METTL13: variants seen among roughly 807,000 people sequenced by gnomAD.
The protein encoded by METTL13 is eEF1A lysine and N-terminal methyltransferase.
Under a neutral mutation model 67.4 loss-of-function variants are expected in METTL13, and 52 were observed. That is an observed-to-expected ratio of 0.77 (90% CI 0.62 to 0.97). The LOEUF (loss-of-function observed/expected upper bound fraction) is 0.97. Ranked by LOEUF, METTL13 falls within the 50% of genes least tolerant of loss-of-function variation. The probability of loss-of-function intolerance (pLI) is 0.00; values close to 1 mark genes in which losing one functional copy is unlikely to be tolerated. For missense variants in METTL13, 825 were observed against 889.6 expected, an observed-to-expected ratio of 0.93 and a Z score of 0.92; for synonymous variants, 354 against 353.6, an observed-to-expected ratio of 1.00 and a Z score of -0.01.
In METTL13 at chr1:171,797,104, C is replaced by T. The variant is rs2029864160; in HGVS notation, c.*348C>T. 3.9e-6 allele frequency: 1 copy of T among 253,708 alleles called. No individual in the cohort carries two copies. Among genetic ancestry groups the T allele is most frequent in the Admixed American group, 5.0e-5 (1 of 19,822 alleles). The allele number at this position is 253,708 out of a possible 1,614,324, so 15.7% of individuals were successfully genotyped here. A position where few individuals can be genotyped will look rare whatever the true frequency, so the allele number is the denominator to read the frequency against. ...ACATCCAAATTTTATTGCGTCTCTA[C>T]TTATACTGGTTTGCTTTTGATTTAT... On this transcript the variant is annotated 3_prime_UTR_variant, in exon 8 of 8. Transcript: ENST00000361735.
chr1:171,794,494 C>A lies in METTL13; in HGVS notation c.1792C>A (p.Leu598Ile). The change falls in exon 7 of 8, where the codon CTA (leucine) becomes ATA (isoleucine). Residue 598 changes from leucine (L) to isoleucine (I), a missense_variant. Physicochemically the swap from Leu to Ile is conservative, Grantham distance 5. Coordinates refer to ENST00000361735, the MANE Select transcript of METTL13 (RefSeq NM_015935.5). ...PPPAFVEQSF[L>I]QKVKSILTPE... The stretch of plus-strand genomic sequence containing the variant: ...CCCAGCATTTGTGGAGCAATCTTTT[C>A]TACAGAAGGTTAAAAGCATCTTGAC... The A allele has an allele frequency of 6.2e-7, 1 of 1,614,178 alleles. No individual in the cohort carries two copies. Among genetic ancestry groups the A allele is most frequent in the African/African-American group, 1.3e-5 (1 of 75,046 alleles).
intron 7 of METTL13, 39 bp downstream of exon 7, chr1:171,794,566 G>C: frequency 1.2e-6 from 2 of 1,608,532 alleles, no homozygotes; most frequent in Non-Finnish European, 1.7e-6. Context: ...GGAGAGAAGG[G>C]ACCATTAACA....
chr1:171,791,575 C>T (rs561814754), intron 5 of METTL13, among the ~76,000 whole-genome samples: 1 of 152,136 alleles, frequency 6.6e-6, no homozygotes, highest in East Asian at 1.9e-4. Context: ...TCCTTAGGCT[C>T]CCACGTCAGC....
At position 171,792,172 on chromosome 1, in the gene METTL13, C is replaced by T. The variant is rs1313162096; in HGVS notation, c.1630C>T (p.Arg544Ter). The T allele has an allele frequency of 4.3e-6, 7 of 1,614,172 alleles. No individual in the cohort carries two copies. The highest frequency in any genetic ancestry group is 1.7e-4 in the Middle Eastern group (1 of 6,040). The stretch of plus-strand genomic sequence containing the variant: ...GTGGTTTGGCTTCTCCCAGAGTGAC[C>T]GAATGAAGGTCCACATTGCAGATGG... ...TQWFGFSQSD[R>*]MKVHIADGLD... Residue 544 changes from arginine (R) to a stop codon, truncating the protein, a stop_gained, in exon 6 of 8, where the codon CGA becomes TGA. Transcript: ENST00000361735. LOFTEE classifies it high-confidence loss of function.
chr1:171,787,957 G>T, intron 4 of METTL13, 27 bp downstream of exon 4: 1 of 1,608,600 alleles, frequency 6.2e-7, no homozygotes, highest in South Asian at 1.1e-5. Flanking sequence ...ACAGTGGTGG[G>T]ACCCAAGTGG....
At chr1:171,788,054 T>A in intron 4 of METTL13, 124 bp downstream of exon 4, 1 of 885,856 alleles carries the variant, frequency 1.1e-6, no homozygotes, top group Non-Finnish European at 1.8e-6. Flanking sequence ...TCTGGACTCT[T>A]AGGGTGTGAA....
chr1:171,790,863 T>C (rs1255934332), intron 5 of METTL13: 1 of 344,572 alleles, frequency 2.9e-6, no homozygotes, highest in Non-Finnish European at 5.1e-6. Context: ...CATTTCTTTT[T>C]AAAATTAAGG....
chr1:171,790,058 A>G (rs904164290), intron 4 of METTL13, among the ~76,000 whole-genome samples: 12 of 152,218 alleles, frequency 7.9e-5, no homozygotes, highest in African/African-American at 2.4e-4. Context: ...GAAGCTTACA[A>G]TTATCACAGA....
intron 1 of METTL13, among the ~76,000 whole-genome samples, 172 bp downstream of exon 1, chr1:171,782,292 C>T (rs964448187): frequency 6.6e-6 from 1 of 152,064 alleles, no homozygotes; most frequent in African/African-American, 2.4e-5. Context: ...TCTTTCAGGC[C>T]GGGCGCAGTG....
Position 171,785,888 on chromosome 1 carries a change from G to A in METTL13, c.923G>A (p.Gly308Asp). Reference sequence around the variant, plus strand: ...AAGTTCTTTTTTCTAGTCCCTCAGGGCCGGGAGACCGAGTGGCTCTTTGGC... The same window carrying A: ...AAGTTCTTTTTTCTAGTCCCTCAGGACCGGGAGACCGAGTGGCTCTTTGGC... Reference protein sequence around the residue: ...NHFAIFIIPQGRETEWLFGMD... With the variant: ...NHFAIFIIPQDRETEWLFGMD... The change falls in exon 3 of 8, where the codon GGC becomes GAC. Residue 308 changes from glycine to aspartate, a missense_variant. Gly to Asp is a moderately conservative substitution (Grantham distance 94, BLOSUM62 -1). Coordinates refer to ENST00000361735, the MANE Select transcript of METTL13 (RefSeq NM_015935.5). The A allele has an allele frequency of 6.2e-7, 1 of 1,612,768 alleles. No individual in the cohort carries two copies. Among genetic ancestry groups the A allele is most frequent in the East Asian group, 2.2e-5 (1 of 44,876 alleles).
intron 2 of METTL13, 88 bp from the exon 3 acceptor site, chr1:171,785,791 C>G (rs1364734792): frequency 4.4e-6 from 6 of 1,357,116 alleles, no homozygotes. Flanking sequence ...TGGTCTTGGA[C>G]AGGGACTGGC....
chr1:171,788,886 C>T (rs1327561770), intron 4 of METTL13, among the ~76,000 whole-genome samples: 1 of 152,162 alleles, frequency 6.6e-6, no homozygotes, highest in Non-Finnish European at 1.5e-5. Flanking sequence ...ACAGAGAATT[C>T]AGATGCTTGA....
Position 171,794,493 on chromosome 1 carries a change from T to C in METTL13, c.1791T>C (p.Phe597=). 1.2e-6 allele frequency: 2 copies of C among 1,614,214 alleles called. No homozygotes were observed. The highest frequency in any genetic ancestry group is 1.7e-6 in the Non-Finnish European group (2 of 1,180,036). ...CPPPAFVEQS[F]LQKVKSILTP... is the part of the protein sequence containing the mutation. ...CCCCAGCATTTGTGGAGCAATCTTTTCTACAGAAGGTTAAAAGCATCTTGA... is the reference window on the plus strand; with the variant it reads ...CCCCAGCATTTGTGGAGCAATCTTTCCTACAGAAGGTTAAAAGCATCTTGA... Residue 597 remains phenylalanine, a synonymous_variant, in exon 7 of 8, where the codon TTT becomes TTC. Transcript: ENST00000361735.
At chr1:171,795,914 C>T (rs1336700142) in intron 7 of METTL13, among the ~76,000 whole-genome samples, 1 of 152,166 alleles carries the variant, frequency 6.6e-6, no homozygotes, top group African/African-American at 2.4e-5. Context: ...TGGATTTTGG[C>T]TCACTGCAAC....
rs540945081 is a variant in METTL13, at chr1:171,786,015, C to T, written c.1050C>T (p.Ile350=). Residue 350 remains isoleucine, a synonymous_variant, in exon 3 of 8, where the codon ATC becomes ATT. Transcript: ENST00000361735. The part of the protein sequence containing the change: ...RGQQYESMDH[I]QAELSARVME... ...AGCAGTATGAAAGCATGGACCACATCCAAGCTGAGCTGTCGGCTAGAGTCA... is the reference window on the plus strand; with the variant it reads ...AGCAGTATGAAAGCATGGACCACATTCAAGCTGAGCTGTCGGCTAGAGTCA... 5 of 1,613,996 alleles carry T rather than the reference C, an allele frequency of 3.1e-6. No homozygotes were observed. The African/African-American group carries it at 6.7e-5, about 22-fold the overall frequency.
At chr1:171,787,013 C>G (rs151181043) in intron 3 of METTL13, among the ~76,000 whole-genome samples, 9 of 152,020 alleles carry the variant, frequency 5.9e-5, no homozygotes, top group African/African-American at 1.9e-4. Flanking sequence ...TAGGCTGACT[C>G]GTGTTTACAG....
In METTL13 at chr1:171,796,995, C is replaced by T. The variant is rs936202319; in HGVS notation, c.*239C>T. On this transcript the variant is annotated 3_prime_UTR_variant, in exon 8 of 8. Coordinates refer to ENST00000361735, the MANE Select transcript of METTL13 (RefSeq NM_015935.5). ...TGGTTTGTCTTTGCTTCCTACACCA[C>T]GTCCTTGAGTGGAGTTCCCTGCTGA... is the stretch of plus-strand genomic sequence containing the variant. The T allele has an allele frequency of 2.0e-5, 10 of 503,980 alleles. No individual in the cohort carries two copies. Among genetic ancestry groups the T allele is most frequent in the Middle Eastern group, 5.4e-4 (1 of 1,838 alleles). 31.2% of individuals were successfully genotyped at this position (503,980 alleles called of 1,614,324 possible). A position where few individuals can be genotyped will look rare whatever the true frequency, so the allele number is the denominator to read the frequency against.
At chr1:171,785,500 A>G (rs540879788) in intron 2 of METTL13, among the ~76,000 whole-genome samples, 1 of 152,354 alleles carries the variant, frequency 6.6e-6, no homozygotes, top group East Asian at 1.9e-4. Context: ...GTTTCCTCAT[A>G]TGTAAAAATG....
intron 4 of METTL13, among the ~76,000 whole-genome samples, chr1:171,789,306 C>T (rs563344780): frequency 1.1e-4 from 17 of 152,350 alleles, no homozygotes; most frequent in Non-Finnish European, 5.9e-5. Flanking sequence ...TATGAAGACA[C>T]AGCCATCCGT....
Sources: allele counts gnomAD v4.1 joint callset (sites outside exome capture counted in the v4.1 genomes callset), GRCh38; gene constraint gnomAD v4.1.1; transcripts MANE v1.5; gene names NCBI Gene and HGNC (gene_info 2026-07-23, HGNC 2026-07-21).